The following GBF1 variants were observed in gnomAD, a reference collection of about 807,000 sequenced individuals.
GBF1 encodes Golgi-specific brefeldin A-resistance guanine nucleotide exchange factor 1.
GBF1 carries 114 observed loss-of-function variants against 210.5 expected under a neutral mutation model. That is an observed-to-expected ratio of 0.54 (90% CI 0.47 to 0.63). GBF1 has a LOEUF of 0.63. Ranked by LOEUF, GBF1 falls within the 30% of genes least tolerant of loss-of-function variation. The probability of loss-of-function intolerance (pLI) is 0.00; values close to 1 mark genes in which losing one functional copy is unlikely to be tolerated. For synonymous variants in GBF1, 850 were observed against 889.2 expected (o/e 0.96, Z 0.78); for missense variants, 1,851 against 2,357.7 (o/e 0.79, Z 4.45).
chr10:102,360,426 C>T (rs1418116616), intron 12 of GBF1, 31 bp downstream of exon 12: 8 of 1,457,250 alleles, frequency 5.5e-6, no homozygotes, highest in Non-Finnish European at 7.7e-6. Flanking sequence ...GGTCTCAGAG[C>T]CTCTTTCAAG....
At chr10:102,244,086 C>T (rs2070631904), upstream of GBF1, among the ~76,000 whole-genome samples, 1 of 152,174 alleles carries the variant, frequency 6.6e-6, no homozygotes, top group Non-Finnish European at 1.5e-5. Context: ...GCCAAGATCA[C>T]AGCACTGCAC....
chr10:102,374,842 C>T (rs2060404431), intron 29 of GBF1, among the ~76,000 whole-genome samples: 1 of 152,066 alleles, frequency 6.6e-6, no homozygotes, highest in Admixed American at 6.6e-5. Flanking sequence ...TATTTCTTTA[C>T]AACTGCATAT....
At chr10:102,253,952 C>G (rs2071977058) in intron 1 of GBF1, among the ~76,000 whole-genome samples, 1 of 152,100 alleles carries the variant, frequency 6.6e-6, no homozygotes, top group East Asian at 1.9e-4. Context: ...GTTTCCTATT[C>G]TGTGAAACAC....
At chr10:102,274,804 C>T (rs957632844) in intron 3 of GBF1, among the ~76,000 whole-genome samples, 10 of 144,944 alleles carry the variant, frequency 6.9e-5, no homozygotes, top group Admixed American at 3.6e-4. Flanking sequence ...CTCTGCCTCC[C>T]GGGCTCAAGT....
At chr10:102,291,720 C>T (rs865827320) in intron 3 of GBF1, among the ~76,000 whole-genome samples, 3 of 152,192 alleles carry the variant, frequency 2.0e-5, no homozygotes, top group South Asian at 4.2e-4. Context: ...TTGCCTGTAT[C>T]CCTTTGCCGT....
rs1026032490 is a variant in GBF1, at chr10:102,380,132, C to T, written c.4879-117C>T. 7.6e-6 allele frequency: 6 copies of T among 786,706 alleles called. No homozygotes were observed. The Admixed American group carries it at 9.6e-5, about 13-fold the overall frequency. The allele number at this position is 786,706 out of a possible 1,614,324, so 48.7% of individuals were successfully genotyped here. A position where few individuals can be genotyped will look rare whatever the true frequency, so the allele number is the denominator to read the frequency against. On this transcript the variant is annotated intron_variant, in intron 36 of 39. Coordinates refer to ENST00000369983, the MANE Select transcript of GBF1 (RefSeq NM_001377137.1). ...ATTCTGAATCTTAAATCAGAGATTC[C>T]TCCATCTCTGATCTAAGATTCTCAT...
the GBF1 span, chr10:102,232,000 C>G: frequency 6.2e-7 from 1 of 1,610,736 alleles, no homozygotes; most frequent in South Asian, 1.1e-5. Flanking sequence ...GCTCTGGGAG[C>G]TGGGGGTGCG....
intron 3 of GBF1, among the ~76,000 whole-genome samples, chr10:102,304,327 T>C (rs2077650081): frequency 6.6e-6 from 1 of 152,224 alleles, no homozygotes; most frequent in African/African-American, 2.4e-5. Flanking sequence ...CATTACAACA[T>C]GCAAAGACTT....
At chr10:102,250,782 C>T (rs960801071) in intron 1 of GBF1, among the ~76,000 whole-genome samples, 5 of 152,054 alleles carry the variant, frequency 3.3e-5, no homozygotes, top group African/African-American at 4.8e-5. Flanking sequence ...CATGGTGAAA[C>T]GCTGTCTCTA....
intron 14 of GBF1, 69 bp downstream of exon 14, chr10:102,361,981 G>A: frequency 1.2e-6 from 1 of 828,472 alleles, no homozygotes. Context: ...GTGGTAGTGA[G>A]GATGTTACAT....
chr10:102,370,922 A>T (rs961628650), intron 29 of GBF1, 62 bp downstream of exon 29: 11 of 1,458,282 alleles, frequency 7.5e-6, no homozygotes, highest in Non-Finnish European at 1.1e-5. Flanking sequence ...ACAGTTGTCA[A>T]TTATGAATAT....
intron 3 of GBF1, among the ~76,000 whole-genome samples, chr10:102,275,858 G>A (rs1163722589): frequency 2.0e-5 from 3 of 152,162 alleles, no homozygotes; most frequent in South Asian, 4.1e-4. Flanking sequence ...AATGGACTTC[G>A]GTTCTCAGAC....
chr10:102,326,903 G>A (rs896402856), intron 3 of GBF1, among the ~76,000 whole-genome samples: 6 of 152,158 alleles, frequency 3.9e-5, no homozygotes, highest in South Asian at 2.1e-4. Context: ...AAGGAGAAAA[G>A]GTAGAGGTTG....
At chr10:102,306,685 A>G (rs753195306) in intron 3 of GBF1, among the ~76,000 whole-genome samples, 14 of 152,202 alleles carry the variant, frequency 9.2e-5, no homozygotes, top group Non-Finnish European at 1.6e-4. Context: ...GGGCCTCCCA[A>G]AGTGCTGGGA....
intron 3 of GBF1, among the ~76,000 whole-genome samples, chr10:102,328,518 CTTGT>C (rs1456412300): frequency 6.6e-6 from 1 of 152,138 alleles, no homozygotes. Context: ...ACCCCTTAGT[CTTGT>C]TGTCACTAAG....
rs377297068 is a variant in GBF1, at chr10:102,332,571, A to T, written c.164-11480A>T. 9.9e-5 allele frequency among the ~76,000 whole-genome samples: 15 copies of T among 151,944 alleles called. No homozygotes were observed. The East Asian group carries it at 1.9e-3, about 20-fold the overall frequency. ...ACTAATTTTTATATTTTTTGTAGAG[A>T]CAGTGTTTCACCATGTTGGTCAGGC... On this transcript the variant is annotated intron_variant, in intron 3 of 39. Coordinates refer to ENST00000369983, the MANE Select transcript of GBF1 (RefSeq NM_001377137.1).
At chr10:102,231,553 C>T in the GBF1 span, 2 of 1,426,042 alleles carry the variant, frequency 1.4e-6, no homozygotes, top group South Asian at 1.2e-5. Flanking sequence ...GCGGAGGGCC[C>T]GCGCGGGTGC....
chr10:102,304,010 G>A (rs1208768776), intron 3 of GBF1, among the ~76,000 whole-genome samples: 10 of 151,956 alleles, frequency 6.6e-5, no homozygotes, highest in Admixed American at 5.2e-4. Context: ...TACTCCAAAG[G>A]CATTGCCTTT....
intron 3 of GBF1, among the ~76,000 whole-genome samples, chr10:102,269,781 A>G (rs1399355060): frequency 1.3e-5 from 2 of 152,158 alleles, no homozygotes; most frequent in South Asian, 2.1e-4. Context: ...CTGATATGGT[A>G]TTACAACTGC....
Sources: allele counts gnomAD v4.1 joint callset (sites outside exome capture counted in the v4.1 genomes callset), GRCh38; gene constraint gnomAD v4.1.1; transcripts MANE v1.5; gene names NCBI Gene and HGNC (gene_info 2026-07-23, HGNC 2026-07-21).